Variants in FAM228B observed in about 807,000 individuals in gnomAD.
FAM228B encodes the protein protein FAM228B.
FAM228B carries 38 observed loss-of-function variants against 42.6 expected under a neutral mutation model. That is an observed-to-expected ratio of 0.89 (90% CI 0.69 to 1.17). FAM228B has a LOEUF of 1.17. FAM228B is among the 50% of genes most tolerant of loss of function. The pLI is 0.00. For missense variants in FAM228B, 344 were observed against 367.3 expected (o/e 0.94, Z 0.52); for synonymous variants, 109 against 122.3 (o/e 0.89, Z 0.72).
intron 2 of FAM228B, among the ~76,000 whole-genome samples, chr2:24,132,464 G>GT (rs548264853): frequency 0.044 from 2,467 of 55,974 alleles, 405 homozygotes; most frequent in African/African-American, 0.093. Context: ...TCCTGGGATT[G>GT]TTTTTTTTTT....
chr2:24,080,645 T>C lies in FAM228B; in HGVS notation c.-289-231T>C. 1 of 711,956 alleles carries C rather than the reference T, an allele frequency of 1.4e-6. No homozygotes were observed. 44.1% of individuals were successfully genotyped at this position (711,956 alleles called of 1,614,324 possible). ...ACATGGAAACCATCTTAGATTTAAATATGACTGCCTGTCTCCAGTGGTCAA... is the reference window on the plus strand; with the variant it reads ...ACATGGAAACCATCTTAGATTTAAACATGACTGCCTGTCTCCAGTGGTCAA... On this transcript the variant is annotated intron_variant, in intron 1 of 10. Transcript: ENST00000613899. The surrounding 1 kb of genome is among the most constrained non-coding windows in gnomAD (Gnocchi z 4.7).
At chr2:24,151,449 TC>T (rs1004381425) in intron 7 of FAM228B, among the ~76,000 whole-genome samples, 2 of 151,168 alleles carry the variant, frequency 1.3e-5, no homozygotes, top group Admixed American at 1.3e-4. Context: ...CACCACCACG[TC>T]CGGCTAATTT....
chr2:24,115,566 C>T lies in FAM228B; in HGVS notation c.-120-19553C>T, dbSNP rs1238740260. 1.9e-6 allele frequency: 3 copies of T among 1,606,610 alleles called. No homozygotes were observed. In the South Asian group the frequency reaches 3.3e-5, roughly 18 times the overall value. On this transcript the variant is annotated intron_variant, in intron 3 of 10. Transcript: ENST00000613899. Reference sequence around the variant, plus strand: ...CTTCTAAAATAATAAAATTGTCTTTCATGGGCCTCTGATGACTTAACTTCC... The same window carrying T: ...CTTCTAAAATAATAAAATTGTCTTTTATGGGCCTCTGATGACTTAACTTCC...
intron 8 of FAM228B, among the ~76,000 whole-genome samples, chr2:24,162,850 A>G (rs369239079): frequency 6.6e-6 from 1 of 152,224 alleles, no homozygotes; most frequent in African/African-American, 2.4e-5. Context: ...ATGTTTTTTT[A>G]TACAAAATGT....
chr2:24,078,247 G>A (rs1365415870), intron 1 of FAM228B, among the ~76,000 whole-genome samples: 1 of 151,828 alleles, frequency 6.6e-6, no homozygotes, highest in African/African-American at 2.4e-5. Context: ...GCCAGATTTT[G>A]TCTTATTTCT....
chr2:24,091,303 G>A (rs1022205823), intron 2 of FAM228B, among the ~76,000 whole-genome samples: 1 of 152,122 alleles, frequency 6.6e-6, no homozygotes, highest in African/African-American at 2.4e-5. Context: ...CGTGGTGGCG[G>A]GCGCCAGTAG....
chr2:24,114,060 A>AT (rs1665846232), intron 3 of FAM228B, among the ~76,000 whole-genome samples: 1 of 152,188 alleles, frequency 6.6e-6, no homozygotes, highest in Non-Finnish European at 1.5e-5. Context: ...GTGTAAGGCT[A>AT]TTATACAGAG....
upstream of FAM228B, chr2:24,122,604 T>G: frequency 1.0e-6 from 1 of 1,002,436 alleles, no homozygotes; most frequent in South Asian, 1.3e-5. Flanking sequence ...AAAAGGCATG[T>G]GAATACAAAT....
Position 24,165,916 on chromosome 2 carries a change from C to T in FAM228B, c.932+1581C>T, listed in dbSNP as rs908523330. On this transcript the variant is annotated intron_variant, in intron 9 of 10. Transcript: ENST00000615575. Reference sequence around the variant, plus strand: ...AGTTAGCCGGGCATGGTGATGGAGTCCTGTAATTCCAGCTACTCAGGAGGC... The same window carrying T: ...AGTTAGCCGGGCATGGTGATGGAGTTCTGTAATTCCAGCTACTCAGGAGGC... The T allele has an allele frequency of 5.7e-5, 9 of 156,838 alleles. 1 individual carries two copies. The allele number at this position is 156,838 out of a possible 1,614,324, so 9.7% of individuals were successfully genotyped here.
intron 5 of FAM228B, among the ~76,000 whole-genome samples, chr2:24,146,317 TG>T (rs1220563798): frequency 6.6e-6 from 1 of 152,220 alleles, no homozygotes; most frequent in South Asian, 2.1e-4. Flanking sequence ...TTCCATACCT[TG>T]GCTCACAAAT....
rs755637071 is a variant in FAM228B at position 24,147,020 on chromosome 2, T to C, written c.620T>C (p.Ile207Thr). 45 of 1,551,460 alleles carry C rather than the reference T, an allele frequency of 2.9e-5. No individual in the cohort carries two copies. In the South Asian group the frequency reaches 4.8e-4, roughly 16 times the overall value. The stretch of plus-strand genomic sequence containing the variant: ...CAAATTTCTAATTCAAGGCACTTTA[T>C]AACTCCAAACGAGTGGCTGAAACTG... ...FPQISNSRHF[I>T]TPNEWLKLPT... The change falls in exon 7 of 11, where the codon ATA becomes ACA. Residue 207 changes from isoleucine to threonine, a missense_variant. By Grantham distance (89) the Ile-to-Thr change is moderately conservative. Transcript: ENST00000615575.
chr2:24,119,194 C>T (rs917154873), upstream of FAM228B, among the ~76,000 whole-genome samples: 6 of 152,078 alleles, frequency 3.9e-5, no homozygotes, highest in Non-Finnish European at 7.4e-5. Context: ...CCTATCCTGC[C>T]CCACCTACAT....
At chr2:24,140,214 T>A (rs542348951) in intron 5 of FAM228B, among the ~76,000 whole-genome samples, 2 of 152,350 alleles carry the variant, frequency 1.3e-5, no homozygotes, top group East Asian at 3.9e-4. Flanking sequence ...TCTCACTCTG[T>A]CACCCAGGCT....
upstream of FAM228B, among the ~76,000 whole-genome samples, chr2:24,120,834 G>A (rs563390274): frequency 1.3e-5 from 2 of 152,092 alleles, no homozygotes; most frequent in East Asian, 3.9e-4. Flanking sequence ...ACTGTGCCTG[G>A]CCACTGAGAA....
chr2:24,101,586 T>G (rs1440624419), intron 3 of FAM228B, among the ~76,000 whole-genome samples: 1 of 152,180 alleles, frequency 6.6e-6, no homozygotes, highest in African/African-American at 2.4e-5. Context: ...GGCTGAATTT[T>G]TCCCAACATT....
chr2:24,166,299 AGAAATCAGCACGT>A (rs959211697), intron 9 of FAM228B: 8 of 151,946 alleles, frequency 5.3e-5, no homozygotes, highest in Non-Finnish European at 7.4e-5. Flanking sequence ...ACTCCCAGTT[AGAAATCAGCACGT>A]GAATGGCCTG....
intron 2 of FAM228B, among the ~76,000 whole-genome samples, chr2:24,082,693 T>A (rs924895205): frequency 2.6e-5 from 4 of 152,194 alleles, no homozygotes; most frequent in African/African-American, 9.7e-5. Flanking sequence ...TCTAGTGTTA[T>A]CCAGACCCTC....
At chr2:24,099,607 C>T (rs902738340) in intron 3 of FAM228B, among the ~76,000 whole-genome samples, 2 of 151,926 alleles carry the variant, frequency 1.3e-5, no homozygotes, top group Admixed American at 6.6e-5. Context: ...CACTGCTCAA[C>T]GAAATAAAAG....
chr2:24,110,890 T>C (rs1226169500), intron 3 of FAM228B, among the ~76,000 whole-genome samples: 1 of 151,644 alleles, frequency 6.6e-6, no homozygotes, highest in Non-Finnish European at 1.5e-5. Flanking sequence ...CCTTAACCTG[T>C]GAGGTCTACA....
Sources: allele counts gnomAD v4.1 joint callset (sites outside exome capture counted in the v4.1 genomes callset), GRCh38; gene constraint gnomAD v4.1.1; non-coding constraint Gnocchi (gnomAD v3.1); transcripts MANE v1.5; gene names NCBI Gene and HGNC (gene_info 2026-07-23, HGNC 2026-07-21).